WNT4: variants seen among roughly 807,000 people sequenced by gnomAD.
WNT4 encodes the protein Wnt family member 4, also known as protein Wnt-4.
In WNT4, 16 loss-of-function variants were observed where a neutral mutation model predicts 34.5. That is an observed-to-expected ratio of 0.46 (90% CI 0.31 to 0.70). WNT4 has a LOEUF of 0.70. Among genes scored for constraint, WNT4 ranks in the 30% least tolerant of loss-of-function variants. The pLI, the probability that WNT4 is intolerant of heterozygous loss-of-function variation, is 0.04. For synonymous variants in WNT4, 200 were observed against 211.9 expected, an observed-to-expected ratio of 0.94 and a Z score of 0.49; for missense variants, 379 against 495.9, an observed-to-expected ratio of 0.76 and a Z score of 2.24.
chr1:22,121,073 C>T, intron 4 of WNT4, 138 bp downstream of exon 4: 1 of 1,427,418 alleles, frequency 7.0e-7, no homozygotes, highest in Non-Finnish European at 9.4e-7. Flanking sequence ...GTCCTGAACC[C>T]CACTGGCCTA....
Position 22,142,821 on chromosome 1 carries a change from C to A in WNT4, c.77+25G>T. The A allele has an allele frequency of 8.5e-7, 1 of 1,172,558 alleles. No homozygotes were observed. Among genetic ancestry groups the A allele is most frequent in the Non-Finnish European group, 1.1e-6 (1 of 925,466 alleles). 72.6% of individuals were successfully genotyped at this position (1,172,558 alleles called of 1,614,324 possible). A position where few individuals can be genotyped will look rare whatever the true frequency, so the allele number is the denominator to read the frequency against. Reference sequence around the variant, plus strand: ...CGGGGCCTGCCCCGCCCCGCCCCGCCCCGCTCGGCCCCGGCCAGACTTACA... The same window carrying A: ...CGGGGCCTGCCCCGCCCCGCCCCGCACCGCTCGGCCCCGGCCAGACTTACA... On this transcript the variant is annotated intron_variant, in intron 1 of 4. Coordinates refer to ENST00000290167, the MANE Select transcript of WNT4 (RefSeq NM_030761.5). This position sits in a 1 kb window ranked among gnomAD's most constrained non-coding sequence, Gnocchi z 6.0.
At position 22,142,797 on chromosome 1, in the gene WNT4, G is replaced by T; in HGVS notation, c.77+49C>A. On this transcript the variant is annotated intron_variant, in intron 1 of 4. Coordinates refer to ENST00000290167, the MANE Select transcript of WNT4 (RefSeq NM_030761.5). This position sits in a 1 kb window ranked among gnomAD's most constrained non-coding sequence, Gnocchi z 6.0. The stretch of plus-strand genomic sequence containing the variant: ...CCGCCTGGCACCGGCCGCTGCCCCC[G>T]GGGCCTGCCCCGCCCCGCCCCGCCC... 1 of 1,079,898 alleles carries T rather than the reference G, an allele frequency of 9.3e-7. No homozygotes were observed. The highest frequency in any genetic ancestry group is 2.2e-5 in the South Asian group (1 of 45,492). The allele number at this position is 1,079,898 out of a possible 1,614,324, so 66.9% of individuals were successfully genotyped here.
At chr1:22,122,114 CTTA>C (rs1645904238) in intron 2 of WNT4, among the ~76,000 whole-genome samples, 5 of 152,178 alleles carry the variant, frequency 3.3e-5, no homozygotes, top group African/African-American at 4.8e-5. Flanking sequence ...GTTGCCCTTC[CTTA>C]TGTATGATCT....
At chr1:22,122,540 C>G (rs759195101) in intron 2 of WNT4, among the ~76,000 whole-genome samples, 102 of 152,304 alleles carry the variant, frequency 6.7e-4, no homozygotes, top group African/African-American at 2.4e-3. Flanking sequence ...AGTGTGTGAG[C>G]TGGAGTATGC....
Position 22,129,644 on chromosome 1 carries a change from C to G in WNT4, c.285G>C (p.Leu95Phe). The G allele has an allele frequency of 6.2e-7, 1 of 1,613,670 alleles. No individual in the cohort carries two copies. The highest frequency in any genetic ancestry group is 8.5e-7 in the Non-Finnish European group (1 of 1,179,998). ...GCGTCACCACCTTGCCGAAGACGGG[C>G]AAGGAGTCGAGTGTGGAGCAGTTCC... ...RRWNCSTLDSLPVFGKVVTQG... is the reference protein window; with the variant it reads ...RRWNCSTLDSFPVFGKVVTQG... Residue 95 changes from leucine (L) to phenylalanine (F), a missense_variant, in exon 2 of 5, where the codon TTG (leucine) becomes TTC (phenylalanine). Around this residue, in one of 2 missense-constraint regions of WNT4, gnomAD observed 313 missense variants for 445.8 expected, o/e 0.70. Transcript: ENST00000290167.
Position 22,123,909 on chromosome 1 carries a change from C to T in WNT4, c.314-2333G>A, listed in dbSNP as rs116300724. 9.1e-3 allele frequency among the ~76,000 whole-genome samples: 1,379 copies of T among 152,358 alleles called. 28 individuals are homozygous for T. The highest frequency in any genetic ancestry group is 0.032 in the African/African-American group (1,317 of 41,572). ...CTGGGGGATGGTGAACAGTTGGCCT[C>T]TGGGCTCAGCACAGGAGGCCCCAGA... On this transcript the variant is annotated intron_variant, in intron 2 of 4. Transcript: ENST00000290167.
chr1:22,119,697 C>G lies in WNT4; in HGVS notation c.*353G>C. The G allele has an allele frequency of 2.6e-6, 1 of 388,618 alleles. No homozygotes were observed. The highest frequency in any genetic ancestry group is 2.6e-5 in the South Asian group (1 of 38,338). The allele number at this position is 388,618 out of a possible 1,614,324, so 24.1% of individuals were successfully genotyped here. On this transcript the variant is annotated 3_prime_UTR_variant, in exon 5 of 5. Transcript: ENST00000290167. ...GCCCCCTCTTCCCCGATGACACGGT[C>G]AGTAGCCATGTGGTGGTAATACTCC...
At chr1:22,120,547 T>C (rs1645888356) in intron 4 of WNT4, 30 bp from the exon 5 acceptor site, 2 of 1,585,076 alleles carry the variant, frequency 1.3e-6, no homozygotes, top group Admixed American at 3.6e-5. Flanking sequence ...AGAGGGGCCA[T>C]CAGGAGATGG....
chr1:22,127,315 C>T (rs1198645032), intron 2 of WNT4: 3 of 529,916 alleles, frequency 5.7e-6, no homozygotes, highest in Non-Finnish European at 1.2e-5. Flanking sequence ...CTTGGTTCCT[C>T]CCCCAAAGGT....
chr1:22,124,312 G>A (rs1168808692), intron 2 of WNT4, among the ~76,000 whole-genome samples: 1 of 152,164 alleles, frequency 6.6e-6, no homozygotes, highest in Non-Finnish European at 1.5e-5. Context: ...GCCTTCTTCC[G>A]TTTTCACACA....
Position 22,137,559 on chromosome 1 carries a change from G to A in WNT4, c.77+5287C>T, listed in dbSNP as rs1235161488. On this transcript the variant is annotated intron_variant, in intron 1 of 4. Coordinates refer to ENST00000290167, the MANE Select transcript of WNT4 (RefSeq NM_030761.5). This position sits in a 1 kb window ranked among gnomAD's most constrained non-coding sequence, Gnocchi z 5.3. Reference sequence around the variant, plus strand: ...GGTGCAAATGCTCAGCTTTCCCAGTGTACCCACAGAGCCTGAGTTGGGCGA... The same window carrying A: ...GGTGCAAATGCTCAGCTTTCCCAGTATACCCACAGAGCCTGAGTTGGGCGA... 1.3e-5 allele frequency among the ~76,000 whole-genome samples: 2 copies of A among 152,252 alleles called. No homozygotes were observed. Among genetic ancestry groups the A allele is most frequent in the African/African-American group, 4.8e-5 (2 of 41,460 alleles).
rs753310272 is a variant in WNT4 at position 22,120,168 on chromosome 1, C to T, written c.938G>A (p.Arg313His). Residue 313 changes from arginine (R) to histidine (H), a missense_variant, in exon 5 of 5, where the codon CGC (arginine) becomes CAC (histidine). Transcript: ENST00000290167. The part of the protein sequence containing the change: ...IDGCELLCCG[R>H]GFHTAQVELA... ...CTCCACCTGCGCCGTGTGGAAGCCG[C>T]GGCCACAGCACAGCAGCTCACAGCC... The T allele has an allele frequency of 1.4e-5, 23 of 1,613,522 alleles. No individual in the cohort carries two copies. Among genetic ancestry groups the T allele is most frequent in the Middle Eastern group, 1.6e-4 (1 of 6,084 alleles).
intron 1 of WNT4, among the ~76,000 whole-genome samples, chr1:22,130,213 G>A (rs866061784): frequency 2.6e-5 from 4 of 152,168 alleles, no homozygotes; most frequent in East Asian, 1.9e-4. Flanking sequence ...GTTCCCTGCC[G>A]AGATGCCTTC....
At chr1:22,130,930 G>C (rs1300005413) in intron 1 of WNT4, among the ~76,000 whole-genome samples, 1 of 152,244 alleles carries the variant, frequency 6.6e-6, no homozygotes, top group African/African-American at 2.4e-5. Flanking sequence ...ACTTGGGACT[G>C]GGCTAAGTAC....
Position 22,142,759 on chromosome 1 carries a change from C to T in WNT4, c.77+87G>A. On this transcript the variant is annotated intron_variant, in intron 1 of 4. Transcript: ENST00000290167. The surrounding 1 kb of genome is among the most constrained non-coding windows in gnomAD (Gnocchi z 6.0). ...AGACACCTGCCGGGCTGCCCCGCGC[C>T]CGCTGCCCCGCGCCGCCTGGCACCG... 1.1e-6 allele frequency: 1 copy of T among 910,642 alleles called. No homozygotes were observed. The allele number at this position is 910,642 out of a possible 1,614,324, so 56.4% of individuals were successfully genotyped here.
chr1:22,125,917 C>A (rs1377992871), intron 2 of WNT4, among the ~76,000 whole-genome samples: 1 of 152,172 alleles, frequency 6.6e-6, no homozygotes, highest in African/African-American at 2.4e-5. Flanking sequence ...ACGATCCATT[C>A]AATATTTATC....
rs139426957 is a variant in WNT4, at chr1:22,139,068, G to T, written c.77+3778C>A. On this transcript the variant is annotated intron_variant, in intron 1 of 4. Coordinates refer to ENST00000290167, the MANE Select transcript of WNT4 (RefSeq NM_030761.5). The surrounding 1 kb of genome is among the most constrained non-coding windows in gnomAD (Gnocchi z 4.6). ...GTCTTCCTGACTCTGGGAGGCTCCT[G>T]CGGGGGCCCTTGTTGAGCAAGGGGG... 1.6e-4 allele frequency among the ~76,000 whole-genome samples: 25 copies of T among 152,312 alleles called. No individual in the cohort carries two copies. The East Asian group carries it at 4.8e-3, about 29-fold the overall frequency.
intron 2 of WNT4, chr1:22,127,318 C>G: frequency 1.9e-6 from 1 of 530,360 alleles, no homozygotes; most frequent in Non-Finnish European, 3.9e-6. Context: ...GGTTCCTCCC[C>G]CAAAGGTAAG....
chr1:22,120,156 G>T lies in WNT4; in HGVS notation c.950C>A (p.Thr317Lys), dbSNP rs752231863. 4 of 1,613,414 alleles carry T rather than the reference G, an allele frequency of 2.5e-6. No individual in the cohort carries two copies. Among genetic ancestry groups the T allele is most frequent in the African/African-American group, 2.7e-5 (2 of 74,948 alleles). Residue 317 changes from threonine to lysine, a missense_variant, in exon 5 of 5, where the codon ACG becomes AAG. Coordinates refer to ENST00000290167, the MANE Select transcript of WNT4 (RefSeq NM_030761.5). ...GCGTTCAGCCAGCTCCACCTGCGCC[G>T]TGTGGAAGCCGCGGCCACAGCACAG... ...ELLCCGRGFHTAQVELAERCS... is the reference protein window; with the variant it reads ...ELLCCGRGFHKAQVELAERCS...
Sources: allele counts gnomAD v4.1 joint callset (sites outside exome capture counted in the v4.1 genomes callset), GRCh38; gene constraint gnomAD v4.1.1; regional missense constraint gnomAD v4.1.1; non-coding constraint Gnocchi (gnomAD v3.1); transcripts MANE v1.5; gene names NCBI Gene and HGNC (gene_info 2026-07-23, HGNC 2026-07-21).